NLRP8: variants seen among roughly 807,000 people sequenced by gnomAD.
NLRP8 encodes NLR family pyrin domain containing 8, also known as NACHT, LRR and PYD domains-containing protein 8.
NLRP8 carries 86 observed loss-of-function variants against 88.7 expected under a neutral mutation model. The observed-to-expected ratio is 0.97, with a 90% CI of 0.81 to 1.16. The LOEUF (loss-of-function observed/expected upper bound fraction) is 1.16. Among genes scored for constraint, NLRP8 ranks in the 50% most tolerant of loss-of-function variants. NLRP8 has a pLI of 0.00. For synonymous variants in NLRP8, 504 were observed against 494.6 expected (o/e 1.02, Z -0.25); for missense variants, 1,342 against 1,286.5 (o/e 1.04, Z -0.66).
rs372844411 is a variant in NLRP8 at position 55,954,701 on chromosome 19, G to A, written c.643G>A (p.Gly215Arg). ...GGCCATACAGGGAGCTCCTGGGATC[G>A]GAAAAACAATCCTGGCCAAAAAGGT... is the stretch of plus-strand genomic sequence containing the variant. Residue 215 changes from glycine (G) to arginine (R), a missense_variant, in exon 3 of 10, where the codon GGA becomes AGA. By Grantham distance (125) the Gly-to-Arg change is moderately radical. Transcript: ENST00000291971. 37 of 1,613,954 alleles carry A rather than the reference G, an allele frequency of 2.3e-5. No individual in the cohort carries two copies. Among genetic ancestry groups the A allele is most frequent in the South Asian group, 3.3e-5 (3 of 91,082 alleles).
chr19:55,987,456 G>A (rs1230228877), intron 9 of NLRP8, among the ~76,000 whole-genome samples: 1 of 152,244 alleles, frequency 6.6e-6, no homozygotes, highest in Non-Finnish European at 1.5e-5. Context: ...TAGGAGTCCA[G>A]AGGGTGTTTT....
At chr19:55,953,744 C>T (rs1450359176) in intron 2 of NLRP8, among the ~76,000 whole-genome samples, 2 of 147,924 alleles carry the variant, frequency 1.4e-5, no homozygotes, top group East Asian at 2.1e-4. Context: ...GTGCCCGCCT[C>T]GGCCTCCCAA....
In NLRP8 at chr19:55,957,020, C is replaced by T. The variant is rs535440614; in HGVS notation, c.2042+920C>T. Among the ~76,000 whole-genome samples the T allele has an allele frequency of 5.3e-5, 8 of 152,148 alleles. No homozygotes were observed. In the South Asian group the frequency reaches 6.2e-4, roughly 12 times the overall value. ...GTTACCCAGGCTAATCTTCAACTCC[C>T]GGCCTCAAGCAATCTTCCCACCTTG... On this transcript the variant is annotated intron_variant, in intron 3 of 9. Transcript: ENST00000291971.
Position 55,948,130 on chromosome 19 carries a change from C to T in NLRP8, c.228C>T (p.Val76=), listed in dbSNP as rs766736034. Reference sequence around the variant, plus strand: ...CCATGCCCATCACCTGGGACCAGGTCGAGACAGCCAGCTGGGCAGAGGTGG... The same window carrying T: ...CCATGCCCATCACCTGGGACCAGGTTGAGACAGCCAGCTGGGCAGAGGTGG... Residue 76 remains valine, a synonymous_variant, in exon 1 of 10, where the codon GTC becomes GTT. Transcript: ENST00000291971. The T allele has an allele frequency of 9.9e-6, 16 of 1,613,984 alleles. No individual in the cohort carries two copies. The highest frequency in any genetic ancestry group is 1.6e-4 in the Middle Eastern group (1 of 6,084).
chr19:55,962,152 A>C lies in NLRP8; in HGVS notation c.2128A>C (p.Met710Leu), dbSNP rs376577011. Residue 710 changes from methionine to leucine, a missense_variant, in exon 4 of 10, where the codon ATG (methionine) becomes CTG (leucine). By Grantham distance (15) the Met-to-Leu change is conservative (BLOSUM62 2). Coordinates refer to ENST00000291971, the MANE Select transcript of NLRP8 (RefSeq NM_176811.2). Reference sequence around the variant, plus strand: ...GAATGATAAGCTGGAAGTCCTGACTATGACCAACAGTGTTTTGGGGCCTCC... The same window carrying C: ...GAATGATAAGCTGGAAGTCCTGACTCTGACCAACAGTGTTTTGGGGCCTCC... 2 of 1,614,086 alleles carry C rather than the reference A, an allele frequency of 1.2e-6. No homozygotes were observed. Among genetic ancestry groups the C allele is most frequent in the African/African-American group, 2.7e-5 (2 of 74,944 alleles).
At position 55,966,160 on chromosome 19, in the gene NLRP8, T is replaced by C. The variant is rs755192142; in HGVS notation, c.2214-53T>C. ...GAGCCTCGTTTGTGAGGCCACAGAATTCTACGACTGTGGACGGGACCCTAT... is the reference window on the plus strand; with the variant it reads ...GAGCCTCGTTTGTGAGGCCACAGAACTCTACGACTGTGGACGGGACCCTAT... On this transcript the variant is annotated intron_variant, in intron 4 of 9. Transcript: ENST00000291971. The C allele has an allele frequency of 1.9e-6, 3 of 1,564,206 alleles. No individual in the cohort carries two copies. In the Admixed American group the frequency reaches 5.1e-5, roughly 27 times the overall value.
chr19:55,951,043 A>G (rs964140890), intron 1 of NLRP8, among the ~76,000 whole-genome samples: 19 of 152,176 alleles, frequency 1.2e-4, no homozygotes, highest in African/African-American at 4.6e-4. Flanking sequence ...ACACCACTGC[A>G]CTCCAGCCTG....
At chr19:55,961,092 A>G (rs1174602418) in intron 3 of NLRP8, among the ~76,000 whole-genome samples, 1 of 151,766 alleles carries the variant, frequency 6.6e-6, no homozygotes, top group Non-Finnish European at 1.5e-5. Flanking sequence ...TTTAGTAGAG[A>G]CAGGGTTTCA....
intron 6 of NLRP8, among the ~76,000 whole-genome samples, chr19:55,972,401 C>T (rs1411197541): frequency 6.7e-6 from 1 of 150,264 alleles, no homozygotes; most frequent in Non-Finnish European, 1.5e-5. Context: ...AGATGTGAGC[C>T]ACTGCACCTA....
In NLRP8 at chr19:55,988,092, G is replaced by A. The variant is rs2053078; in HGVS notation, c.*179G>A. The A allele has an allele frequency of 0.23, 126,410 of 560,984 alleles. 14,886 individuals carry two copies. The highest frequency in any genetic ancestry group is 0.33 in the East Asian group (10,355 of 31,838). 34.8% of individuals were successfully genotyped at this position (560,984 alleles called of 1,614,324 possible). Reference sequence around the variant, plus strand: ...GAGTGAGGACGGTGATGCCCTGTGTGTATTAATATGCTATGTAAGGCTGGG... The same window carrying A: ...GAGTGAGGACGGTGATGCCCTGTGTATATTAATATGCTATGTAAGGCTGGG... On this transcript the variant is annotated 3_prime_UTR_variant, in exon 10 of 10. Coordinates refer to ENST00000291971, the MANE Select transcript of NLRP8 (RefSeq NM_176811.2).
chr19:55,979,115 C>T (rs78353046), intron 8 of NLRP8, among the ~76,000 whole-genome samples: 1,605 of 152,266 alleles, frequency 0.011, 34 homozygotes, highest in African/African-American at 0.036. Flanking sequence ...TAGGTAGAAT[C>T]AAATATCTTT....
At position 55,988,440 on chromosome 19, in the gene NLRP8, G is replaced by GTATATATATATA. The variant is rs1445801696; in HGVS notation, c.*528_*529insATATATATATAT. 99 of 100,510 alleles carry GTATATATATATA rather than the reference G, an allele frequency of 9.8e-4. No homozygotes were observed. Among genetic ancestry groups the GTATATATATATA allele is most frequent in the South Asian group, 5.7e-3 (18 of 3,180 alleles). 6.2% of individuals were successfully genotyped at this position (100,510 alleles called of 1,614,324 possible). A position where few individuals can be genotyped will look rare whatever the true frequency, so the allele number is the denominator to read the frequency against. On this transcript the variant is annotated 3_prime_UTR_variant, in exon 10 of 10. Coordinates refer to ENST00000291971, the MANE Select transcript of NLRP8 (RefSeq NM_176811.2). ...TATACACATAAATATATATATGTGT[G>GTATATATATATA]TGTGTATATATATATATATATATAT...
rs77942970 is a variant in NLRP8 at position 55,947,936 on chromosome 19, A to G, written c.34A>G (p.Ile12Val). 6 of 1,613,692 alleles carry G rather than the reference A, an allele frequency of 3.7e-6. No individual in the cohort carries two copies. The highest frequency in any genetic ancestry group is 4.2e-6 in the Non-Finnish European group (5 of 1,179,816). The change falls in exon 1 of 10, where the codon ATT (isoleucine) becomes GTT (valine). Residue 12 changes from isoleucine to valine, a missense_variant. Coordinates refer to ENST00000291971, the MANE Select transcript of NLRP8 (RefSeq NM_176811.2). Reference sequence around the variant, plus strand: ...CGTGAATCCACCCTCTGACACCCCCATTCCCTTTTCATCCTCCTCCACTCA... The same window carrying G: ...CGTGAATCCACCCTCTGACACCCCCGTTCCCTTTTCATCCTCCTCCACTCA...
chr19:55,970,193 T>G (rs748718060), intron 5 of NLRP8, among the ~76,000 whole-genome samples: 9 of 152,252 alleles, frequency 5.9e-5, no homozygotes, highest in Non-Finnish European at 1.2e-4. Context: ...TGATGCCTTC[T>G]ATAATATACA....
chr19:55,965,772 G>T (rs966485932), intron 4 of NLRP8, among the ~76,000 whole-genome samples: 1 of 151,992 alleles, frequency 6.6e-6, no homozygotes, highest in Non-Finnish European at 1.5e-5. Context: ...CATCATCTAC[G>T]TTAGGTATTT....
At chr19:55,986,176 G>A (rs987767180) in intron 9 of NLRP8, among the ~76,000 whole-genome samples, 8 of 151,746 alleles carry the variant, frequency 5.3e-5, no homozygotes, top group African/African-American at 1.7e-4. Flanking sequence ...AGATCACACC[G>A]GACCCCAGGA....
intron 3 of NLRP8, among the ~76,000 whole-genome samples, chr19:55,956,673 G>C (rs564335898): frequency 6.6e-6 from 1 of 152,160 alleles, no homozygotes; most frequent in East Asian, 1.9e-4. Context: ...GACTGAAGGT[G>C]TTCCTGGGAT....
chr19:55,956,632 T>C (rs751677659), intron 3 of NLRP8, among the ~76,000 whole-genome samples: 1 of 152,166 alleles, frequency 6.6e-6, no homozygotes, highest in East Asian at 1.9e-4. Flanking sequence ...TAAGGAGATT[T>C]CTCAGACCCA....
At chr19:55,964,625 A>G (rs569210518) in intron 4 of NLRP8, among the ~76,000 whole-genome samples, 5 of 152,050 alleles carry the variant, frequency 3.3e-5, no homozygotes, top group African/African-American at 7.2e-5. Flanking sequence ...GGTGGTGCAC[A>G]TCTGTAATCC....
Sources: allele counts gnomAD v4.1 joint callset (sites outside exome capture counted in the v4.1 genomes callset), GRCh38; gene constraint gnomAD v4.1.1; transcripts MANE v1.5; gene names NCBI Gene and HGNC (gene_info 2026-07-23, HGNC 2026-07-21).